The following TRIP4 variants were observed in gnomAD, a reference collection of about 807,000 sequenced individuals.
The protein encoded by TRIP4 is activating signal cointegrator 1.
In TRIP4, 54 loss-of-function variants were observed where a neutral mutation model predicts 81.8. The ratio of observed to expected loss-of-function variants is 0.66; its 90% confidence interval spans 0.53 to 0.83. The LOEUF is 0.83. TRIP4 is among the 40% of genes least tolerant of loss of function. TRIP4 has a pLI of 0.00. For missense variants in TRIP4, 662 were observed against 683.6 expected, an observed-to-expected ratio of 0.97 and a Z score of 0.35; for synonymous variants, 270 against 242.8, an observed-to-expected ratio of 1.11 and a Z score of -1.04.
At chr15:64,451,465 CTTTTT>C (rs145401592) in intron 12 of TRIP4, among the ~76,000 whole-genome samples, 6 of 64,696 alleles carry the variant, frequency 9.3e-5, no homozygotes, top group African/African-American at 2.7e-4. Flanking sequence ...CAAATCTGAT[CTTTTT>C]TTTTTTTTTT....
intron 9 of TRIP4, among the ~76,000 whole-genome samples, 199 bp from the exon 10 acceptor site, chr15:64,423,832 T>C (rs1048963749): frequency 7.9e-5 from 12 of 152,148 alleles, no homozygotes; most frequent in African/African-American, 2.9e-4. Flanking sequence ...GAGGAGAAAT[T>C]AGTGGACAGA....
Position 64,397,749 on chromosome 15 carries a change from C to T in TRIP4, c.549C>T (p.Asn183=). Residue 183 remains asparagine, a synonymous_variant, in exon 4 of 13, where the codon AAC becomes AAT. Coordinates refer to ENST00000261884, the MANE Select transcript of TRIP4 (RefSeq NM_016213.5). The part of the protein sequence containing the change: ...CLGQKHKLIN[N]CLICGRIVCE... ...GCCAGAAGCACAAGCTCATCAATAA[C>T]TGTCTGATCTGTGGGCGCATTGTCT... 1 of 1,614,240 alleles carries T rather than the reference C, an allele frequency of 6.2e-7. No individual in the cohort carries two copies. The highest frequency in any genetic ancestry group is 8.5e-7 in the Non-Finnish European group (1 of 1,180,044).
chr15:64,409,609 T>G lies in TRIP4; in HGVS notation c.828-4T>G. 1 of 1,613,852 alleles carries G rather than the reference T, an allele frequency of 6.2e-7. No homozygotes were observed. The highest frequency in any genetic ancestry group is 8.5e-7 in the Non-Finnish European group (1 of 1,179,828). The stretch of plus-strand genomic sequence containing the variant: ...CTAATTACCATGTGTTCCCTTTTTC[T>G]CAGTATTCGAAGGACCCAAGTCATT... On this transcript the variant is annotated splice_polypyrimidine_tract_variant and splice_region_variant and intron_variant, in intron 6 of 12. Transcript: ENST00000261884.
At chr15:64,434,325 G>C (rs1039854277) in intron 11 of TRIP4, among the ~76,000 whole-genome samples, 10 of 151,724 alleles carry the variant, frequency 6.6e-5, no homozygotes, top group African/African-American at 2.4e-4. Context: ...CTTCAACCCA[G>C]GAGGCAGAGG....
chr15:64,425,773 T>A, intron 11 of TRIP4, 142 bp downstream of exon 11: 1 of 573,622 alleles, frequency 1.7e-6, no homozygotes, highest in Non-Finnish European at 2.9e-6. Flanking sequence ...CTGGTGCATA[T>A]AAATATCTGT....
At chr15:64,400,087 C>G (rs1891455502) in intron 4 of TRIP4, among the ~76,000 whole-genome samples, 1 of 150,876 alleles carries the variant, frequency 6.6e-6, no homozygotes, top group African/African-American at 2.4e-5. Flanking sequence ...AAAAGCAACC[C>G]AGTTCTAATC....
rs1375731146 is a variant in TRIP4 at position 64,400,827 on chromosome 15, C to T, written c.697+6C>T. The stretch of plus-strand genomic sequence containing the variant: ...GCTAAAGAAACTCATGTCAGGTAGA[C>T]AGCAGTCTTGTAATTGGATCACTGG... On this transcript the variant is annotated splice_donor_region_variant and intron_variant, in intron 5 of 12. Coordinates refer to ENST00000261884, the MANE Select transcript of TRIP4 (RefSeq NM_016213.5). 2 of 1,612,226 alleles carry T rather than the reference C, an allele frequency of 1.2e-6. No individual in the cohort carries two copies. The highest frequency in any genetic ancestry group is 1.7e-6 in the Non-Finnish European group (2 of 1,178,616).
chr15:64,418,364 G>A (rs921558567), intron 8 of TRIP4, among the ~76,000 whole-genome samples, 177 bp from the exon 9 acceptor site: 1 of 152,176 alleles, frequency 6.6e-6, no homozygotes, highest in Non-Finnish European at 1.5e-5. Flanking sequence ...CACCCGCCTT[G>A]GCCTCTCAAA....
At chr15:64,423,968 A>G (rs1892077496) in intron 9 of TRIP4, 63 bp from the exon 10 acceptor site, 1 of 1,597,692 alleles carries the variant, frequency 6.3e-7, no homozygotes, top group African/African-American at 1.3e-5. Flanking sequence ...TTTGTTATAT[A>G]TTATGGGATA....
At chr15:64,415,246 G>A (rs1297753519) in intron 8 of TRIP4, among the ~76,000 whole-genome samples, 1 of 152,206 alleles carries the variant, frequency 6.6e-6, no homozygotes, top group Non-Finnish European at 1.5e-5. Flanking sequence ...AATCTGGAGA[G>A]GGAATTTCCA....
chr15:64,417,274 A>G (rs1891908927), intron 8 of TRIP4, among the ~76,000 whole-genome samples: 1 of 151,970 alleles, frequency 6.6e-6, no homozygotes, highest in Non-Finnish European at 1.5e-5. Context: ...GGCCTCCTTA[A>G]GTGCTGGGAT....
Position 64,455,292 on chromosome 15 carries a change from TA to T in TRIP4, c.*233del. 2.5e-6 allele frequency: 1 copy of T among 397,812 alleles called. No individual in the cohort carries two copies. The highest frequency in any genetic ancestry group is 4.6e-6 in the Non-Finnish European group (1 of 218,126). The allele number at this position is 397,812 out of a possible 1,614,324, so 24.6% of individuals were successfully genotyped here. On this transcript the variant is annotated 3_prime_UTR_variant, in exon 13 of 13. Coordinates refer to ENST00000261884, the MANE Select transcript of TRIP4 (RefSeq NM_016213.5). ...AACACATTATTTATAAAAACCTGTT[TA>T]AAAATTCTAAGTCTTTTGACATTTT...
At chr15:64,416,477 T>G (rs968057725) in intron 8 of TRIP4, among the ~76,000 whole-genome samples, 1 of 151,928 alleles carries the variant, frequency 6.6e-6, no homozygotes, top group African/African-American at 2.4e-5. Flanking sequence ...AATCCTAGCA[T>G]TTTGGGAGGC....
chr15:64,413,483 C>A (rs1298877221), intron 7 of TRIP4, among the ~76,000 whole-genome samples: 1 of 152,202 alleles, frequency 6.6e-6, no homozygotes, highest in Non-Finnish European at 1.5e-5. Flanking sequence ...GGCCTCTAGG[C>A]AGCTTTTCTG....
At chr15:64,412,524 T>C (rs1282365626) in intron 7 of TRIP4, among the ~76,000 whole-genome samples, 1 of 150,654 alleles carries the variant, frequency 6.6e-6, no homozygotes, top group Non-Finnish European at 1.5e-5. Flanking sequence ...TATACGGCTT[T>C]CTTAAATCTG....
At chr15:64,411,227 G>T (rs1239313780) in intron 7 of TRIP4, among the ~76,000 whole-genome samples, 1 of 152,102 alleles carries the variant, frequency 6.6e-6, no homozygotes, top group African/African-American at 2.4e-5. Flanking sequence ...TAGTTATAAT[G>T]GTAAATACAT....
At chr15:64,433,361 G>A (rs1290836074) in intron 11 of TRIP4, among the ~76,000 whole-genome samples, 1 of 152,124 alleles carries the variant, frequency 6.6e-6, no homozygotes, top group Non-Finnish European at 1.5e-5. Flanking sequence ...TGTCAAGAGA[G>A]TTCAAATAAC....
chr15:64,400,823 T>C lies in TRIP4; in HGVS notation c.697+2T>C. 1 of 1,612,934 alleles carries C rather than the reference T, an allele frequency of 6.2e-7. No individual in the cohort carries two copies. Among genetic ancestry groups the C allele is most frequent in the African/African-American group, 1.3e-5 (1 of 75,048 alleles). On this transcript the variant is annotated splice_donor_variant, in intron 5 of 12. Coordinates refer to ENST00000261884, the MANE Select transcript of TRIP4 (RefSeq NM_016213.5). LOFTEE classifies it high-confidence loss of function. Reference sequence around the variant, plus strand: ...AACTGCTAAAGAAACTCATGTCAGGTAGACAGCAGTCTTGTAATTGGATCA... The same window carrying C: ...AACTGCTAAAGAAACTCATGTCAGGCAGACAGCAGTCTTGTAATTGGATCA...
intron 11 of TRIP4, among the ~76,000 whole-genome samples, chr15:64,432,018 C>G (rs1364261016): frequency 1.3e-5 from 2 of 149,764 alleles, no homozygotes; most frequent in African/African-American, 4.9e-5. Flanking sequence ...TCCTGAGTAG[C>G]TGGGATTGCA....
Sources: allele counts gnomAD v4.1 joint callset (sites outside exome capture counted in the v4.1 genomes callset), GRCh38; gene constraint gnomAD v4.1.1; transcripts MANE v1.5; gene names NCBI Gene and HGNC (gene_info 2026-07-23, HGNC 2026-07-21).